IQCM: variants seen among roughly 807,000 people sequenced by gnomAD.
IQCM encodes the protein IQ domain-containing protein M.
IQCM carries 45 observed loss-of-function variants against 57.6 expected under a neutral mutation model. The ratio of observed to expected loss-of-function variants is 0.78; its 90% confidence interval spans 0.62 to 1.00. The LOEUF is 1.00. IQCM is among the 50% of genes least tolerant of loss of function. The pLI, the probability that IQCM is intolerant of heterozygous loss-of-function variation, is 0.00. For missense variants in IQCM, 468 were observed against 511.6 expected (o/e 0.91, Z 0.82); for synonymous variants, 148 against 158.9 (o/e 0.93, Z 0.51).
chr4:149,486,077 T>C (rs920949120), intron 12 of IQCM, among the ~76,000 whole-genome samples: 1 of 139,012 alleles, frequency 7.2e-6, no homozygotes, highest in Non-Finnish European at 1.6e-5. Flanking sequence ...CTCTGTCTGT[T>C]CTGAGCCACC....
At chr4:149,620,928 G>A (rs139590913) in intron 8 of IQCM, among the ~76,000 whole-genome samples, 11 of 152,274 alleles carry the variant, frequency 7.2e-5, no homozygotes, top group Non-Finnish European at 1.3e-4. Context: ...CATATTGTGG[G>A]ATCGGGTGAT....
chr4:149,373,766 T>G (rs979791307), intron 13 of IQCM, among the ~76,000 whole-genome samples: 3 of 152,022 alleles, frequency 2.0e-5, no homozygotes, highest in South Asian at 4.2e-4. Context: ...GTGGGTTGAC[T>G]CCTCACTTCT....
intron 7 of IQCM, among the ~76,000 whole-genome samples, chr4:149,674,345 T>C (rs1761566569): frequency 6.6e-6 from 1 of 152,172 alleles, no homozygotes; most frequent in Non-Finnish European, 1.5e-5. Context: ...GCCCTTTTTA[T>C]GTGCCAGACA....
chr4:149,557,792 C>T (rs980866030), intron 10 of IQCM, among the ~76,000 whole-genome samples: 1 of 152,192 alleles, frequency 6.6e-6, no homozygotes, highest in Non-Finnish European at 1.5e-5. Context: ...CTCCAATCTC[C>T]TTAAAGTCCG....
chr4:149,538,018 TTA>T (rs1365708048), intron 12 of IQCM, among the ~76,000 whole-genome samples: 1 of 151,274 alleles, frequency 6.6e-6, no homozygotes, highest in Non-Finnish European at 1.5e-5. Flanking sequence ...GTAAATGTAT[TTA>T]TATATATATG....
At chr4:149,409,677 G>T (rs955102760) in intron 13 of IQCM, among the ~76,000 whole-genome samples, 10 of 152,198 alleles carry the variant, frequency 6.6e-5, no homozygotes, top group African/African-American at 2.4e-4. Flanking sequence ...TGCCTAATGA[G>T]CTGGGATGCT....
At chr4:149,371,616 G>T (rs1730373465) in intron 13 of IQCM, among the ~76,000 whole-genome samples, 1 of 152,076 alleles carries the variant, frequency 6.6e-6, no homozygotes, top group South Asian at 2.1e-4. Flanking sequence ...CTCGGATTTT[G>T]CGATGAAAAC....
chr4:149,811,621 C>G (rs890726305), intron 2 of IQCM, among the ~76,000 whole-genome samples: 3 of 152,144 alleles, frequency 2.0e-5, no homozygotes, highest in African/African-American at 7.2e-5. Context: ...TCCTCTGCCC[C>G]ACTCCCAGGT....
At chr4:149,711,435 G>C (rs1764551269) in intron 5 of IQCM, among the ~76,000 whole-genome samples, 1 of 152,162 alleles carries the variant, frequency 6.6e-6, no homozygotes. Context: ...GCATGTCTCT[G>C]AGTCTGAGTT....
intron 7 of IQCM, among the ~76,000 whole-genome samples, chr4:149,658,828 A>G (rs1281094022): frequency 2.0e-5 from 3 of 152,036 alleles, no homozygotes; most frequent in Non-Finnish European, 4.4e-5. Flanking sequence ...TTGATTTTGT[A>G]TTGTGAAACT....
intron 13 of IQCM, among the ~76,000 whole-genome samples, chr4:149,421,773 G>A (rs540138317): frequency 1.3e-3 from 196 of 152,064 alleles, no homozygotes; most frequent in Non-Finnish European, 2.2e-3. Context: ...AAGGAAAAAA[G>A]ACAAGTATGG....
intron 12 of IQCM, among the ~76,000 whole-genome samples, chr4:149,515,114 G>C (rs1285325977): frequency 2.0e-5 from 3 of 150,322 alleles, no homozygotes; most frequent in African/African-American, 7.4e-5. Flanking sequence ...GTGTGCAGGC[G>C]CCCATAGGTG....
intron 3 of IQCM, among the ~76,000 whole-genome samples, chr4:149,736,657 A>G (rs935392311): frequency 2.0e-5 from 3 of 152,182 alleles, no homozygotes; most frequent in African/African-American, 7.2e-5. Flanking sequence ...TACACTCACC[A>G]AAACGGCTAA....
chr4:149,620,112 A>T (rs939899174), intron 8 of IQCM, among the ~76,000 whole-genome samples: 14 of 152,100 alleles, frequency 9.2e-5, no homozygotes, highest in African/African-American at 3.4e-4. Context: ...AGCTGAGATC[A>T]CACCATTACA....
intron 13 of IQCM, among the ~76,000 whole-genome samples, chr4:149,369,834 A>C (rs1730237460): frequency 6.6e-6 from 1 of 152,238 alleles, no homozygotes; most frequent in Non-Finnish European, 1.5e-5. Flanking sequence ...TTTGCAAAGC[A>C]ATATCTCACC....
chr4:149,722,823 G>C (rs761386957), intron 5 of IQCM, among the ~76,000 whole-genome samples: 1 of 151,316 alleles, frequency 6.6e-6, no homozygotes, highest in Admixed American at 6.6e-5. Flanking sequence ...TAATTCTGTG[G>C]GAAAAAAAAG....
chr4:149,686,379 T>C lies in IQCM; in HGVS notation c.475A>G (p.Arg159Gly). 8.4e-7 allele frequency: 1 copy of C among 1,196,676 alleles called. No individual in the cohort carries two copies. The highest frequency in any genetic ancestry group is 1.0e-6 in the Non-Finnish European group (1 of 956,034). The allele number at this position is 1,196,676 out of a possible 1,614,324, so 74.1% of individuals were successfully genotyped here. A position where few individuals can be genotyped will look rare whatever the true frequency, so the allele number is the denominator to read the frequency against. Residue 159 changes from arginine (R) to glycine (G), a missense_variant and splice_region_variant, in exon 6 of 14, where the codon AGA becomes GGA. By Grantham distance (125) the Arg-to-Gly change is moderately radical. Coordinates refer to ENST00000636793, the MANE Select transcript of IQCM (RefSeq NM_001363507.2). ...ATAGGTTAGCTAATTATACATTACC[T>C]GGACTCCTCAAAGTGCTGTTGCTTT... ...TAKQQHFEES[R>G]NRMLELLYPF...
chr4:149,626,303 G>A (rs1055710737), intron 7 of IQCM, among the ~76,000 whole-genome samples: 3 of 150,884 alleles, frequency 2.0e-5, no homozygotes, highest in East Asian at 2.0e-4. Flanking sequence ...TTTGGAGCTC[G>A]CATTGGCTCT....
In IQCM at chr4:149,466,882, T is replaced by C. The variant is rs77261883; in HGVS notation, c.1229-33325A>G. On this transcript the variant is annotated intron_variant, in intron 12 of 13. Transcript: ENST00000636793. ...TCTGTTCCTCAGAAATAAAACCTTC[T>C]TGCTGCATCCACACAAGACAGAAGG... is the stretch of plus-strand genomic sequence containing the variant. Among the ~76,000 whole-genome samples the C allele has an allele frequency of 4.5e-4, 69 of 152,282 alleles. 1 individual carries two copies. The East Asian group carries it at 0.013, about 28-fold the overall frequency.
Sources: gnomAD v4.1 joint callset for allele counts (sites outside exome capture counted in the v4.1 genomes callset) on GRCh38, gnomAD v4.1.1 for gene constraint, MANE v1.5 for transcripts, NCBI Gene and HGNC (gene_info 2026-07-23, HGNC 2026-07-21) for gene names.